Variants in DCC observed in about 807,000 individuals in gnomAD.
DCC encodes the protein netrin receptor DCC.
In DCC, 58 loss-of-function variants were observed where a neutral mutation model predicts 172.5. The ratio of observed to expected loss-of-function variants is 0.34; its 90% CI spans 0.27 to 0.42. DCC has a LOEUF of 0.42. Among genes scored for constraint, DCC ranks in the 10% least tolerant of loss-of-function variants. The pLI is 1.00. For missense variants in DCC, 1,740 were observed against 1,791.0 expected (o/e 0.97, Z 0.51); for synonymous variants, 709 against 644.5 (o/e 1.10, Z -1.52).
chr18:53,151,629 T>G (rs1183057143), intron 7 of DCC, among the ~76,000 whole-genome samples: 2 of 151,684 alleles, frequency 1.3e-5, no homozygotes, highest in Non-Finnish European at 2.9e-5. Context: ...TACAATGTTA[T>G]CTGGCAATTA....
intron 1 of DCC, among the ~76,000 whole-genome samples, chr18:52,424,592 T>C (rs1987360581): frequency 6.6e-6 from 1 of 152,152 alleles, no homozygotes; most frequent in Non-Finnish European, 1.5e-5. Flanking sequence ...ATGTTAGTGG[T>C]AGAGCTAAAT....
At chr18:53,060,938 A>C (rs1443734394) in intron 5 of DCC, among the ~76,000 whole-genome samples, 6 of 152,178 alleles carry the variant, frequency 3.9e-5, no homozygotes, top group Non-Finnish European at 7.3e-5. Flanking sequence ...GAAATAACAA[A>C]ATTGAAAAAA....
chr18:53,243,847 C>T (rs543906627), intron 12 of DCC, among the ~76,000 whole-genome samples: 1 of 152,244 alleles, frequency 6.6e-6, no homozygotes, highest in South Asian at 2.1e-4. Flanking sequence ...AAAGTCTTCT[C>T]TTTCTTTTTA....
chr18:53,422,229 T>G (rs1910676376), intron 21 of DCC, among the ~76,000 whole-genome samples: 1 of 152,152 alleles, frequency 6.6e-6, no homozygotes, highest in Non-Finnish European at 1.5e-5. Flanking sequence ...CAGCACCAAT[T>G]AACTTACTTT....
chr18:52,747,754 G>A (rs1200794540), intron 1 of DCC, among the ~76,000 whole-genome samples: 1 of 152,122 alleles, frequency 6.6e-6, no homozygotes. Context: ...ATATACTGGT[G>A]GGCAAAATCT....
At chr18:53,321,693 G>GA (rs1359396714) in intron 13 of DCC, among the ~76,000 whole-genome samples, 1 of 152,086 alleles carries the variant, frequency 6.6e-6, no homozygotes, top group Non-Finnish European at 1.5e-5. Flanking sequence ...TTTTTAGATT[G>GA]ACTGTTCTTG....
intron 25 of DCC, among the ~76,000 whole-genome samples, chr18:53,483,790 A>G (rs192200223): frequency 1.3e-5 from 2 of 151,996 alleles, no homozygotes; most frequent in Admixed American, 6.6e-5. Flanking sequence ...TTTCTCCACA[A>G]TGGCATATAG....
chr18:52,341,347 T>A (rs983155023), intron 1 of DCC, among the ~76,000 whole-genome samples: 1 of 152,152 alleles, frequency 6.6e-6, no homozygotes, highest in Admixed American at 6.5e-5. Context: ...TGAATACATC[T>A]CCTTTTGGTT....
chr18:53,015,395 A>G (rs1357405402), intron 5 of DCC, among the ~76,000 whole-genome samples: 1 of 152,188 alleles, frequency 6.6e-6, no homozygotes, highest in Non-Finnish European at 1.5e-5. Context: ...TTAAATACAA[A>G]TGCAATTTTA....
intron 12 of DCC, among the ~76,000 whole-genome samples, chr18:53,238,684 G>T (rs1196490242): frequency 1.3e-5 from 2 of 152,068 alleles, no homozygotes; most frequent in Admixed American, 1.3e-4. Context: ...AAGTATCATT[G>T]CAACTAAGGA....
At chr18:53,023,682 T>C (rs2041916859) in intron 5 of DCC, among the ~76,000 whole-genome samples, 1 of 152,170 alleles carries the variant, frequency 6.6e-6, no homozygotes, top group Non-Finnish European at 1.5e-5. Flanking sequence ...AACTTGTTTG[T>C]CCTTTATGAT....
In DCC at chr18:52,408,278, G is replaced by T. The variant is rs527606338; in HGVS notation, c.91+67400G>T. ...TGAAATGAGATTAGATTCAACACCA[G>T]TTTTTTATATAAAATGTAGTTAGAA... On this transcript the variant is annotated intron_variant, in intron 1 of 28. Coordinates refer to ENST00000442544, the MANE Select transcript of DCC (RefSeq NM_005215.4). Among the ~76,000 whole-genome samples the T allele has an allele frequency of 9.2e-5, 14 of 151,466 alleles. No individual in the cohort carries two copies. The South Asian group carries it at 2.3e-3, about 25-fold the overall frequency.
In DCC at chr18:52,805,644, A is replaced by AC. The variant is rs1289922539; in HGVS notation, c.412+53272dup. On this transcript the variant is annotated intron_variant, in intron 2 of 28. Transcript: ENST00000442544. ...TTTACATTACCTTGATTTAAAGTCTACCAAAGAAACTACTTTCAGTAAAGT... is the reference window on the plus strand; with the variant it reads ...TTTACATTACCTTGATTTAAAGTCTACCCAAAGAAACTACTTTCAGTAAAGT... 2.6e-5 allele frequency among the ~76,000 whole-genome samples: 4 copies of AC among 152,346 alleles called. No individual in the cohort carries two copies. The South Asian group carries it at 8.3e-4, about 32-fold the overall frequency.
intron 1 of DCC, among the ~76,000 whole-genome samples, chr18:52,676,637 G>A (rs941594195): frequency 3.3e-5 from 5 of 152,134 alleles, no homozygotes; most frequent in Non-Finnish European, 7.3e-5. Context: ...CCTATGAGAG[G>A]TCATAGTTCC....
chr18:53,335,321 T>A (rs558490100), intron 14 of DCC, among the ~76,000 whole-genome samples: 2 of 152,206 alleles, frequency 1.3e-5, no homozygotes, highest in African/African-American at 4.8e-5. Context: ...CTCACGATTG[T>A]CTTATTTGTT....
In DCC at chr18:52,632,377, C is replaced by A. The variant is rs181450707; in HGVS notation, c.92-119677C>A. On this transcript the variant is annotated intron_variant, in intron 1 of 28. Transcript: ENST00000442544. Reference sequence around the variant, plus strand: ...TTAAAAAATCTGTTGAATAAATGATCCCAATGTTCAACATGTACATAGCCC... The same window carrying A: ...TTAAAAAATCTGTTGAATAAATGATACCAATGTTCAACATGTACATAGCCC... 3.5e-3 allele frequency among the ~76,000 whole-genome samples: 535 copies of A among 152,212 alleles called. 3 individuals are homozygous for A. Among genetic ancestry groups the A allele is most frequent in the Non-Finnish European group, 6.4e-3 (432 of 68,006 alleles).
chr18:52,783,160 C>T (rs1386031722), intron 2 of DCC, among the ~76,000 whole-genome samples: 2 of 151,856 alleles, frequency 1.3e-5, no homozygotes, highest in Non-Finnish European at 2.9e-5. Flanking sequence ...AATAATTATA[C>T]AAGAAATTCA....
chr18:52,893,925 G>T (rs1005041234), intron 2 of DCC, among the ~76,000 whole-genome samples: 1 of 151,984 alleles, frequency 6.6e-6, no homozygotes, highest in African/African-American at 2.4e-5. Flanking sequence ...ACAGTATCAG[G>T]CTCTCTTATG....
intron 12 of DCC, among the ~76,000 whole-genome samples, chr18:53,236,870 A>G (rs182663772): frequency 1.3e-5 from 2 of 152,076 alleles, no homozygotes; most frequent in East Asian, 3.9e-4. Flanking sequence ...AAAACAGTTG[A>G]CCATATATGT....
Sources: gnomAD v4.1 joint callset for allele counts (sites outside exome capture counted in the v4.1 genomes callset) on GRCh38, gnomAD v4.1.1 for gene constraint, MANE v1.5 for transcripts, NCBI Gene and HGNC (gene_info 2026-07-23, HGNC 2026-07-21) for gene names.